The following PTPRZ1 variants were observed in gnomAD, a reference collection of about 807,000 sequenced individuals.
PTPRZ1 encodes protein tyrosine phosphatase receptor type Z1.
Under a neutral mutation model 214.1 loss-of-function variants are expected in PTPRZ1, and 82 were observed. That is an observed-to-expected ratio of 0.38 (90% confidence interval 0.32 to 0.46). The LOEUF (loss-of-function observed/expected upper bound fraction) is 0.46. Ranked by LOEUF, PTPRZ1 falls within the 20% of genes least tolerant of loss-of-function variation. The probability of loss-of-function intolerance (pLI) is 1.00; values close to 1 mark genes in which losing one functional copy is unlikely to be tolerated. For synonymous variants in PTPRZ1, 945 were observed against 987.9 expected, an observed-to-expected ratio of 0.96 and a Z score of 0.81; for missense variants, 2,603 against 2,748.7, an observed-to-expected ratio of 0.95 and a Z score of 1.19.
chr7:121,901,658 ATAAACGCC>A (rs1794963498), intron 1 of PTPRZ1, among the ~76,000 whole-genome samples: 1 of 152,298 alleles, frequency 6.6e-6, no homozygotes, highest in South Asian at 2.1e-4. Context: ...GAGTTATTTC[ATAAACGCC>A]TATCAGAGTG....
intron 2 of PTPRZ1, among the ~76,000 whole-genome samples, chr7:121,940,320 T>TACCTACTCCAAGAGGGGTACAGCTTC (rs1364177808): frequency 2.0e-5 from 3 of 152,202 alleles, no homozygotes; most frequent in African/African-American, 7.2e-5. Context: ...AAAGGAGCTT[T>TACCTACTCCAAGAGGGGTACAGCTTC]ACCTACTCCA....
chr7:121,873,202 C>T lies in PTPRZ1; in HGVS notation c.-298C>T. ...AGCCGGCGAAAGAGGCAAAGTCCCG[C>T]ACGCCGGAGGACATGCGCCTCGGCT... On this transcript the variant is annotated 5_prime_UTR_variant, in exon 1 of 30. Transcript: ENST00000393386. 1 of 422,434 alleles carries T rather than the reference C, an allele frequency of 2.4e-6. No individual in the cohort carries two copies. The highest frequency in any genetic ancestry group is 4.2e-6 in the Non-Finnish European group (1 of 240,366). 26.2% of individuals were successfully genotyped at this position (422,434 alleles called of 1,614,324 possible). A position where few individuals can be genotyped will look rare whatever the true frequency, so the allele number is the denominator to read the frequency against.
At chr7:121,996,715 A>G (rs1798150799) in intron 9 of PTPRZ1, 149 bp downstream of exon 9, 1 of 528,840 alleles carries the variant, frequency 1.9e-6, no homozygotes, top group Admixed American at 4.0e-5. Context: ...AAATTTAAAA[A>G]AAAATTTTAA....
At chr7:122,004,105 G>A (rs935598384) in intron 10 of PTPRZ1, among the ~76,000 whole-genome samples, 2 of 152,054 alleles carry the variant, frequency 1.3e-5, no homozygotes, top group African/African-American at 2.4e-5. Context: ...CAGATTTGAG[G>A]AGTAAAGATA....
At chr7:122,040,148 G>A (rs558840827) in intron 20 of PTPRZ1, among the ~76,000 whole-genome samples, 18 of 152,260 alleles carry the variant, frequency 1.2e-4, no homozygotes, top group Non-Finnish European at 2.2e-4. Flanking sequence ...ACCTTGTGTG[G>A]CAACTGCATA....
intron 2 of PTPRZ1, among the ~76,000 whole-genome samples, chr7:121,928,622 T>A (rs1445790925): frequency 2.0e-5 from 3 of 152,220 alleles, no homozygotes; most frequent in Non-Finnish European, 2.9e-5. Context: ...TGTTAGCTGC[T>A]GGAGTTGTTA....
At chr7:122,057,572 C>G (rs1306489012) in intron 27 of PTPRZ1, among the ~76,000 whole-genome samples, 3 of 150,028 alleles carry the variant, frequency 2.0e-5, no homozygotes, top group Admixed American at 2.0e-4. Context: ...GGATACTAAT[C>G]CTTTGTCAGC....
At chr7:121,876,651 A>G (rs960540) in intron 1 of PTPRZ1, among the ~76,000 whole-genome samples, 15,831 of 152,234 alleles carry the variant, frequency 0.1, 2,323 homozygotes, top group African/African-American at 0.33. Flanking sequence ...TTCCCAAATA[A>G]TAACTAGCCT....
At chr7:122,058,729 G>T in intron 27 of PTPRZ1, 71 bp from the exon 28 acceptor site, 1 of 1,386,706 alleles carries the variant, frequency 7.2e-7, no homozygotes. Context: ...TGTAATTCCT[G>T]ATTTTCCTCA....
At position 122,025,993 on chromosome 7, in the gene PTPRZ1, T is replaced by A. The variant is rs137951643; in HGVS notation, c.4989-2559T>A. The stretch of plus-strand genomic sequence containing the variant: ...TATTGAAAAGCCTTGGATATTATAA[T>A]CTAAATATCTGTAAAATATATAACT... On this transcript the variant is annotated intron_variant, in intron 13 of 29. Coordinates refer to ENST00000393386, the MANE Select transcript of PTPRZ1 (RefSeq NM_002851.3). Among the ~76,000 whole-genome samples the A allele has an allele frequency of 6.6e-5, 10 of 152,302 alleles. No homozygotes were observed. The East Asian group carries it at 1.7e-3, about 26-fold the overall frequency.
chr7:121,930,759 A>G (rs999206877), intron 2 of PTPRZ1, among the ~76,000 whole-genome samples: 2 of 152,182 alleles, frequency 1.3e-5, no homozygotes, highest in African/African-American at 2.4e-5. Context: ...ATAATTTTAT[A>G]TACTTTATAA....
chr7:122,060,890 G>T (rs372039563), intron 29 of PTPRZ1, among the ~76,000 whole-genome samples, 190 bp from the exon 30 acceptor site: 1 of 152,076 alleles, frequency 6.6e-6, no homozygotes, highest in Non-Finnish European at 1.5e-5. Flanking sequence ...ATGGTCTGCC[G>T]ATTGCAACGT....
intron 1 of PTPRZ1, among the ~76,000 whole-genome samples, chr7:121,920,701 T>C (rs1795571441): frequency 1.3e-5 from 2 of 152,196 alleles, no homozygotes; most frequent in Non-Finnish European, 2.9e-5. Context: ...CCACAGATTT[T>C]ATTTTATACC....
chr7:122,038,834 G>A lies in PTPRZ1; in HGVS notation c.5447G>A (p.Trp1816Ter). Residue 1816 changes from tryptophan to a stop codon, truncating the protein, a stop_gained, in exon 19 of 30, where the codon TGG becomes TAG. Coordinates refer to ENST00000393386, the MANE Select transcript of PTPRZ1 (RefSeq NM_002851.3). LOFTEE classifies it high-confidence loss of function. ...GCTGAAGATTTCTGGAGAATGATAT[G>A]GGAACATAATGTGGAAGTTATTGTC... ...STAEDFWRMI[W>*]EHNVEVIVMI... 6.2e-7 allele frequency: 1 copy of A among 1,613,704 alleles called. No individual in the cohort carries two copies. Among genetic ancestry groups the A allele is most frequent in the South Asian group, 1.1e-5 (1 of 91,076 alleles).
chr7:122,021,365 A>G (rs546713654), intron 13 of PTPRZ1, among the ~76,000 whole-genome samples: 97 of 152,288 alleles, frequency 6.4e-4, no homozygotes, highest in African/African-American at 2.0e-3. Context: ...TTGACCTTCA[A>G]TAAGATATTT....
chr7:122,020,973 A>G (rs1458690171), intron 13 of PTPRZ1, among the ~76,000 whole-genome samples: 1 of 152,162 alleles, frequency 6.6e-6, no homozygotes, highest in East Asian at 1.9e-4. Flanking sequence ...TACCACATTG[A>G]TATGTGTATT....
intron 1 of PTPRZ1, among the ~76,000 whole-genome samples, chr7:121,901,350 TA>T: frequency 6.6e-6 from 1 of 152,278 alleles, no homozygotes; most frequent in Non-Finnish European, 1.5e-5. Context: ...TTTAGGTAAA[TA>T]TTATTGCAGA....
chr7:122,057,593 G>A (rs1792395720), intron 27 of PTPRZ1, among the ~76,000 whole-genome samples: 3 of 148,004 alleles, frequency 2.0e-5, no homozygotes, highest in Admixed American at 2.0e-4. Flanking sequence ...TGCATATATT[G>A]CAAATACTTT....
intron 13 of PTPRZ1, 109 bp from the exon 14 acceptor site, chr7:122,028,443 C>T: frequency 4.0e-6 from 3 of 747,752 alleles, no homozygotes; most frequent in Non-Finnish European, 6.7e-6. Flanking sequence ...GGGTATATAC[C>T]TGCTTTTGTT....
Sources: allele counts gnomAD v4.1 joint callset (sites outside exome capture counted in the v4.1 genomes callset), GRCh38; gene constraint gnomAD v4.1.1; transcripts MANE v1.5; gene names NCBI Gene and HGNC (gene_info 2026-07-23, HGNC 2026-07-21).